KLRG1: variants seen among roughly 807,000 people sequenced by gnomAD.
KLRG1 encodes the protein killer cell lectin like receptor G1, also known as killer cell lectin-like receptor subfamily G member 1.
A neutral mutation model predicts 21.8 loss-of-function variants in KLRG1; 16 were observed. The observed-to-expected ratio is 0.73, with a 90% confidence interval of 0.50 to 1.11. The LOEUF is 1.11. Ranked by LOEUF, KLRG1 falls within the 50% of genes most tolerant of loss-of-function variation. KLRG1 has a pLI of 0.00. For missense variants in KLRG1, 173 were observed against 218.3 expected, an observed-to-expected ratio of 0.79 and a Z score of 1.31; for synonymous variants, 69 against 75.9, an observed-to-expected ratio of 0.91 and a Z score of 0.47.
At chr12:9,187,904 C>T in the KLRG1 span, among the ~76,000 whole-genome samples, 55 of 152,310 alleles carry the variant, frequency 3.6e-4, no homozygotes, top group Admixed American at 2.1e-3. Context: ...CTGTGAGCTC[C>T]GTCCCAGGGA....
the KLRG1 span, among the ~76,000 whole-genome samples, chr12:9,211,083 C>T: frequency 2.6e-5 from 4 of 152,266 alleles, no homozygotes; most frequent in African/African-American, 9.6e-5. Flanking sequence ...AGAATGGTTG[C>T]ATCACACCAC....
At chr12:9,040,870 G>A in the KLRG1 span, among the ~76,000 whole-genome samples, 1 of 152,164 alleles carries the variant, frequency 6.6e-6, no homozygotes, top group Admixed American at 6.5e-5. Context: ...TTGAGAGATT[G>A]TAGTTGTTCA....
At chr12:9,151,686 G>T in the KLRG1 span, 8 of 1,609,440 alleles carry the variant, frequency 5.0e-6, no homozygotes, top group South Asian at 8.8e-5. Context: ...GAGAGAATTA[G>T]AAAACTTCAG....
chr12:8,971,271 C>T (rs1482338545), intron 1 of KLRG1: 1 of 151,578 alleles, frequency 6.6e-6, no homozygotes, highest in Admixed American at 6.6e-5. Flanking sequence ...TGGTAAAGAG[C>T]TATTCAAAAA....
At chr12:9,076,829 A>G in the KLRG1 span, 2 of 1,614,030 alleles carry the variant, frequency 1.2e-6, no homozygotes, top group Admixed American at 3.3e-5. Flanking sequence ...CCAGGGCAAA[A>G]GCATAGGCCA....
At chr12:9,081,776 A>C in the KLRG1 span, among the ~76,000 whole-genome samples, 1 of 152,126 alleles carries the variant, frequency 6.6e-6, no homozygotes, top group South Asian at 2.1e-4. Context: ...CAGGAAGCCC[A>C]CTCTGGTCTC....
At chr12:9,035,079 G>T in the KLRG1 span, among the ~76,000 whole-genome samples, 1 of 152,078 alleles carries the variant, frequency 6.6e-6, no homozygotes, top group South Asian at 2.1e-4. Flanking sequence ...TATAAAGAAA[G>T]AAAATATTTT....
At chr12:9,155,945 A>C in the KLRG1 span, 5 of 162,726 alleles carry the variant, frequency 3.1e-5, no homozygotes, top group African/African-American at 1.2e-4. Context: ...ATGGTAGTCC[A>C]GCAGAGGCAG....
At chr12:8,970,333 A>C (rs1946545707) in intron 1 of KLRG1, 1 of 152,214 alleles carries the variant, frequency 6.6e-6, no homozygotes, top group Non-Finnish European at 1.5e-5. Context: ...TGAAATATTT[A>C]CTGTGTGGCT....
At chr12:9,131,278 C>T in the KLRG1 span, among the ~76,000 whole-genome samples, 14 of 152,124 alleles carry the variant, frequency 9.2e-5, no homozygotes, top group African/African-American at 2.9e-4. Flanking sequence ...CTCGAGATTC[C>T]GTATGAATTT....
intron 1 of KLRG1, chr12:8,991,980 G>A (rs1345031282): frequency 2.5e-6 from 1 of 392,950 alleles, no homozygotes; most frequent in Non-Finnish European, 4.6e-6. Flanking sequence ...AAGGAAAAAA[G>A]CATTCTTTAT....
the KLRG1 span, among the ~76,000 whole-genome samples, chr12:9,141,497 G>A: frequency 6.6e-6 from 1 of 152,128 alleles, no homozygotes; most frequent in Non-Finnish European, 1.5e-5. Flanking sequence ...CAAACCCACT[G>A]TGCTTTTATT....
chr12:9,164,335 T>A, the KLRG1 span: 44 of 1,456,852 alleles, frequency 3.0e-5, no homozygotes, highest in Non-Finnish European at 3.8e-5. Flanking sequence ...TGGGGCCAAG[T>A]GTGAGATGCT....
chr12:9,183,279 T>C, the KLRG1 span, among the ~76,000 whole-genome samples: 1 of 152,218 alleles, frequency 6.6e-6, no homozygotes, highest in Non-Finnish European at 1.5e-5. Context: ...ATTTTAGCTG[T>C]TCTTGCCACA....
At chr12:9,163,194 T>G in the KLRG1 span, among the ~76,000 whole-genome samples, 1 of 150,954 alleles carries the variant, frequency 6.6e-6, no homozygotes, top group Non-Finnish European at 1.5e-5. Flanking sequence ...TTGCGCTCAA[T>G]GTAATCCCAG....
At chr12:8,976,756 T>A (rs946050719) in intron 1 of KLRG1, among the ~76,000 whole-genome samples, 1 of 152,222 alleles carries the variant, frequency 6.6e-6, no homozygotes, top group African/African-American at 2.4e-5. Flanking sequence ...AGTTTACTTT[T>A]TTTTTTGAGA....
the KLRG1 span, chr12:9,163,720 T>C: frequency 3.7e-6 from 6 of 1,613,950 alleles, no homozygotes; most frequent in Non-Finnish European, 4.2e-6. Flanking sequence ...CTCAGGGACC[T>C]CAACAACCTC....
At chr12:9,153,118 G>T in the KLRG1 span, 2 of 1,613,528 alleles carry the variant, frequency 1.2e-6, no homozygotes, top group Non-Finnish European at 1.7e-6. Flanking sequence ...TAAGCTTGGA[G>T]CCCTACCTGA....
At chr12:8,996,218 C>A (rs993056249) in intron 3 of KLRG1, among the ~76,000 whole-genome samples, 2 of 152,126 alleles carry the variant, frequency 1.3e-5, no homozygotes, top group African/African-American at 2.4e-5. Context: ...TCCTTCCTAT[C>A]CACCCAGCAA....
Sources: gnomAD v4.1 joint callset for allele counts (sites outside exome capture counted in the v4.1 genomes callset) on GRCh38, gnomAD v4.1.1 for gene constraint, MANE v1.5 for transcripts, NCBI Gene and HGNC (gene_info 2026-07-23, HGNC 2026-07-21) for gene names.